Variants in SPTB observed in about 807,000 individuals in gnomAD.
The protein encoded by SPTB is spectrin beta, erythrocytic.
Under a neutral mutation model 256.2 loss-of-function variants are expected in SPTB, and 45 were observed. The ratio of observed to expected loss-of-function variants is 0.18; its 90% CI spans 0.14 to 0.23. SPTB has a LOEUF of 0.23. Among genes scored for constraint, SPTB ranks in the 10% least tolerant of loss-of-function variants. The pLI, the probability that SPTB is intolerant of heterozygous loss-of-function variation, is 1.00. For synonymous variants in SPTB, 1,231 were observed against 1,243.1 expected, an observed-to-expected ratio of 0.99 and a Z score of 0.21; for missense variants, 2,715 against 3,040.4, an observed-to-expected ratio of 0.89 and a Z score of 2.52.
Position 64,784,253 on chromosome 14 carries a change from G to A in SPTB, c.3996C>T (p.Ile1332=), listed in dbSNP as rs780490788. Residue 1332 remains isoleucine (I), a synonymous_variant, in exon 19 of 36, where the codon ATC becomes ATT. Transcript: ENST00000644917. ...LASHEGWLEN[I]DAEGKQLMDE... is the part of the protein sequence containing the mutation. ...GCCCAATCACTTTACTTACCGCATCGATGTTCTCTAGCCACCCTTCATGGG... is the reference window on the plus strand; with the variant it reads ...GCCCAATCACTTTACTTACCGCATCAATGTTCTCTAGCCACCCTTCATGGG... 113 of 1,614,070 alleles carry A rather than the reference G, an allele frequency of 7.0e-5. No individual in the cohort carries two copies. In the South Asian group the frequency reaches 1.1e-3, roughly 16 times the overall value.
chr14:64,790,006 G>C lies in SPTB; in HGVS notation c.2804+1713C>G, dbSNP rs1165792503. 1.3e-5 allele frequency among the ~76,000 whole-genome samples: 2 copies of C among 152,220 alleles called. No homozygotes were observed. Among genetic ancestry groups the C allele is most frequent in the Admixed American group, 1.3e-4 (2 of 15,284 alleles). On this transcript the variant is annotated intron_variant, in intron 15 of 35. Transcript: ENST00000644917. The surrounding 1 kb of genome is among the most constrained non-coding windows in gnomAD (Gnocchi z 4.8). Reference sequence around the variant, plus strand: ...ATACACGGAAGAGGAACCAGGGTAAGTGTGATATCTCTCAAGGGCAGAGCC... The same window carrying C: ...ATACACGGAAGAGGAACCAGGGTAACTGTGATATCTCTCAAGGGCAGAGCC...
rs1385196535 is a variant in SPTB, at chr14:64,760,973, T to G, written c.6345+5753A>C. Among the ~76,000 whole-genome samples, 1 of 152,134 alleles carries G rather than the reference T, an allele frequency of 6.6e-6. No individual in the cohort carries two copies. Among genetic ancestry groups the G allele is most frequent in the Non-Finnish European group, 1.5e-5 (1 of 68,028 alleles). On this transcript the variant is annotated intron_variant, in intron 32 of 35. Transcript: ENST00000644917. This position sits in a 1 kb window ranked among gnomAD's most constrained non-coding sequence, Gnocchi z 4.3. Reference sequence around the variant, plus strand: ...AGCACCTGCCCGATGGGGTTCACAGTCTAAATGAGATGATCCTGGCTTATG... The same window carrying G: ...AGCACCTGCCCGATGGGGTTCACAGGCTAAATGAGATGATCCTGGCTTATG...
In SPTB at chr14:64,779,940, C is replaced by A. The variant is rs1296991702; in HGVS notation, c.4267-9G>T. On this transcript the variant is annotated splice_polypyrimidine_tract_variant and intron_variant, in intron 20 of 35. Coordinates refer to ENST00000644917, the MANE Select transcript of SPTB (RefSeq NM_001355436.2). This position sits in a 1 kb window ranked among gnomAD's most constrained non-coding sequence, Gnocchi z 4.2. ...ACTTGGTCCTCCACTCGCTGAGACA[C>A]AAGGGGACGGTGTCAGCACCAGCCT... 4 of 1,612,928 alleles carry A rather than the reference C, an allele frequency of 2.5e-6. No homozygotes were observed. The highest frequency in any genetic ancestry group is 1.7e-5 in the Admixed American group (1 of 60,020).
chr14:64,761,167 G>A (rs1345351004), intron 32 of SPTB, among the ~76,000 whole-genome samples: 1 of 152,212 alleles, frequency 6.6e-6, no homozygotes, highest in Non-Finnish European at 1.5e-5. Context: ...GCCAAGAAGT[G>A]TTGCCCTCGC....
At chr14:64,765,850 T>A (rs2082165254) in intron 32 of SPTB, among the ~76,000 whole-genome samples, 1 of 143,638 alleles carries the variant, frequency 7.0e-6, no homozygotes, top group Non-Finnish European at 1.5e-5. Context: ...GTGTGGTGTG[T>A]GCACATGTAT....
chr14:64,760,510 G>A lies in SPTB; in HGVS notation c.6345+6216C>T, dbSNP rs371372126. Among the ~76,000 whole-genome samples, 3 of 152,186 alleles carry A rather than the reference G, an allele frequency of 2.0e-5. No individual in the cohort carries two copies. The highest frequency in any genetic ancestry group is 6.5e-5 in the Admixed American group (1 of 15,282). On this transcript the variant is annotated intron_variant, in intron 32 of 35. Transcript: ENST00000644917. The surrounding 1 kb of genome is among the most constrained non-coding windows in gnomAD (Gnocchi z 4.3). The stretch of plus-strand genomic sequence containing the variant: ...ACAAGCAAAGAACACAGGCGACAAG[G>A]TCTTCTCTCTAAAGGTAACACCAGT...
intron 1 of SPTB, among the ~76,000 whole-genome samples, chr14:64,838,084 C>T (rs77750221): frequency 0.027 from 4,099 of 152,188 alleles, 198 homozygotes; most frequent in African/African-American, 0.094. Flanking sequence ...TATATATCAA[C>T]GGAATAGAGT....
At chr14:64,840,940 G>T (rs1163429454) in intron 1 of SPTB, among the ~76,000 whole-genome samples, 2 of 152,154 alleles carry the variant, frequency 1.3e-5, no homozygotes, top group Non-Finnish European at 2.9e-5. Context: ...GTGTTCCTTA[G>T]CCTCAAGGAG....
At position 64,778,344 on chromosome 14, in the gene SPTB, C is replaced by T. The variant is rs2082397903; in HGVS notation, c.4563+813G>A. ...TCAAGGAGCTGCAATACTAACCGGG[C>T]ACTCTGGGACATGTCACTTTTATCT... On this transcript the variant is annotated intron_variant, in intron 22 of 35. Transcript: ENST00000644917. The surrounding 1 kb of genome is among the most constrained non-coding windows in gnomAD (Gnocchi z 5.2). 6.6e-6 allele frequency among the ~76,000 whole-genome samples: 1 copy of T among 152,190 alleles called. No homozygotes were observed. The highest frequency in any genetic ancestry group is 1.5e-5 in the Non-Finnish European group (1 of 68,040).
chr14:64,830,682 C>T lies in SPTB; in HGVS notation c.-51-7537G>A, dbSNP rs141185515. On this transcript the variant is annotated intron_variant, in intron 1 of 35. Transcript: ENST00000644917. ...CTCTTCCCACTTGGTCCATCTCTGT[C>T]CGTGCTCAGCCCCTTCACAGTCCCT... Among the ~76,000 whole-genome samples the T allele has an allele frequency of 3.7e-3, 556 of 152,264 alleles. 5 individuals carry two copies. Among genetic ancestry groups the T allele is most frequent in the African/African-American group, 0.013 (540 of 41,548 alleles).
chr14:64,857,040 A>G (rs2083885111), intron 1 of SPTB, among the ~76,000 whole-genome samples: 1 of 152,206 alleles, frequency 6.6e-6, no homozygotes, highest in Non-Finnish European at 1.5e-5. Flanking sequence ...AGCACCAGAA[A>G]CCAGTAAAGA....
At chr14:64,765,087 T>G (rs1489280944) in intron 32 of SPTB, among the ~76,000 whole-genome samples, 1 of 147,058 alleles carries the variant, frequency 6.8e-6, no homozygotes, top group African/African-American at 2.5e-5. Flanking sequence ...GGGGAGGGCA[T>G]CTGTCTCTCT....
chr14:64,747,142 G>A lies in SPTB; in HGVS notation c.*2164C>T, dbSNP rs1411280073. ...TCCACTAGAGCCCTTCCTTTCTCGG[G>A]TCTGTGGAGTTGCTTGCTGGAAATG... On this transcript the variant is annotated 3_prime_UTR_variant, in exon 36 of 36. Coordinates refer to ENST00000644917, the MANE Select transcript of SPTB (RefSeq NM_001355436.2). 1.3e-5 allele frequency: 2 copies of A among 152,562 alleles called. No homozygotes were observed. The highest frequency in any genetic ancestry group is 2.9e-5 in the Non-Finnish European group (2 of 68,086). 9.5% of individuals were successfully genotyped at this position (152,562 alleles called of 1,614,324 possible).
At chr14:64,766,695 A>T (rs1384892799) in intron 32 of SPTB, 31 bp downstream of exon 32, 1 of 1,613,332 alleles carries the variant, frequency 6.2e-7, no homozygotes, top group Admixed American at 1.7e-5. Context: ...AGTGACTCCC[A>T]GGAACTAGAC....
At chr14:64,861,533 C>G (rs967125584) in intron 1 of SPTB, among the ~76,000 whole-genome samples, 1 of 152,162 alleles carries the variant, frequency 6.6e-6, no homozygotes, top group Non-Finnish European at 1.5e-5. Context: ...TGCTTTCCAG[C>G]CTCCCAGAGA....
chr14:64,826,011 G>T lies in SPTB; in HGVS notation c.-51-2866C>A, dbSNP rs1010730432. On this transcript the variant is annotated intron_variant, in intron 1 of 35. Coordinates refer to ENST00000644917, the MANE Select transcript of SPTB (RefSeq NM_001355436.2). This position sits in a 1 kb window ranked among gnomAD's most constrained non-coding sequence, Gnocchi z 4.4. ...TTGTTTTTGTTTTGGAAAGAGTCAG[G>T]TCCCTGAAAACAAACACCAAGGAAA... Among the ~76,000 whole-genome samples the T allele has an allele frequency of 6.6e-6, 1 of 152,182 alleles. No homozygotes were observed. Among genetic ancestry groups the T allele is most frequent in the Non-Finnish European group, 1.5e-5 (1 of 68,026 alleles).
intron 1 of SPTB, among the ~76,000 whole-genome samples, chr14:64,833,174 T>C (rs2083473670): frequency 1.3e-5 from 2 of 152,200 alleles, no homozygotes; most frequent in South Asian, 4.1e-4. Flanking sequence ...ACATGCTGTT[T>C]CCTAAGCCCG....
At chr14:64,804,873 C>T in intron 3 of SPTB, 66 bp downstream of exon 3, 8 of 1,606,888 alleles carry the variant, frequency 5.0e-6, no homozygotes, top group Admixed American at 3.3e-5. Flanking sequence ...GAGATGCCCC[C>T]AAACCATGCC....
At chr14:64,862,034 C>T (rs1594853512) in intron 1 of SPTB, among the ~76,000 whole-genome samples, 1 of 152,192 alleles carries the variant, frequency 6.6e-6, no homozygotes, top group South Asian at 2.1e-4. Context: ...ATCCTTTCCC[C>T]TTTCTGTGCT....
Sources: gnomAD v4.1 joint callset for allele counts (sites outside exome capture counted in the v4.1 genomes callset) on GRCh38, gnomAD v4.1.1 for gene constraint, Gnocchi (gnomAD v3.1) non-coding constraint, MANE v1.5 for transcripts, NCBI Gene and HGNC (gene_info 2026-07-23, HGNC 2026-07-21) for gene names.